The following SLC35F2 variants were observed in gnomAD, a reference collection of about 807,000 sequenced individuals.
The protein encoded by SLC35F2 is queuine/queuosine transporter SLC35F2.
SLC35F2 carries 25 observed loss-of-function variants against 38.1 expected under a neutral mutation model. The observed-to-expected ratio is 0.66, with a 90% confidence interval of 0.48 to 0.92. The LOEUF (loss-of-function observed/expected upper bound fraction) is 0.92. Ranked by LOEUF, SLC35F2 falls within the 40% of genes least tolerant of loss-of-function variation. The pLI, the probability that SLC35F2 is intolerant of heterozygous loss-of-function variation, is 0.00. For synonymous variants in SLC35F2, 173 were observed against 181.7 expected, an observed-to-expected ratio of 0.95 and a Z score of 0.38; for missense variants, 409 against 452.9, an observed-to-expected ratio of 0.90 and a Z score of 0.88.
chr11:107,823,926 CAA>C (rs58357861), intron 1 of SLC35F2: 117,106 of 630,700 alleles, frequency 0.19, 311 homozygotes, highest in Non-Finnish European at 0.2. Context: ...AAGACAGTCT[CAA>C]AAAAAAAAAA....
chr11:107,838,771 G>A (rs566556437), intron 1 of SLC35F2, among the ~76,000 whole-genome samples: 122 of 151,856 alleles, frequency 8.0e-4, no homozygotes, highest in African/African-American at 2.8e-3. Context: ...TGGGACTACA[G>A]GCGTGCACCT....
chr11:107,809,018 C>T (rs1247067799), intron 3 of SLC35F2, among the ~76,000 whole-genome samples: 2 of 152,178 alleles, frequency 1.3e-5, no homozygotes, highest in South Asian at 2.1e-4. Flanking sequence ...CCTCAGGCCC[C>T]GGCCCCACGC....
intron 1 of SLC35F2, among the ~76,000 whole-genome samples, chr11:107,842,307 T>C (rs1335101375): frequency 7.0e-5 from 10 of 142,978 alleles, no homozygotes; most frequent in Admixed American, 2.9e-4. Context: ...CTGGAAGTTG[T>C]TTTACAGGAT....
intron 1 of SLC35F2, among the ~76,000 whole-genome samples, chr11:107,844,409 C>T (rs1052182074): frequency 1.3e-5 from 2 of 151,794 alleles, no homozygotes; most frequent in Non-Finnish European, 2.9e-5. Context: ...AGACGGATCA[C>T]CTAAGGTCAG....
chr11:107,825,249 T>C (rs889908781), intron 1 of SLC35F2, among the ~76,000 whole-genome samples: 4 of 152,220 alleles, frequency 2.6e-5, no homozygotes, highest in Non-Finnish European at 5.9e-5. Flanking sequence ...AACACAGCCC[T>C]AGCCTGGTGC....
intron 7 of SLC35F2, among the ~76,000 whole-genome samples, chr11:107,795,829 G>A (rs954678526): frequency 3.9e-5 from 6 of 152,136 alleles, no homozygotes; most frequent in African/African-American, 1.2e-4. Flanking sequence ...TGCTGGCAAG[G>A]ATGTATAGAA....
intron 1 of SLC35F2, among the ~76,000 whole-genome samples, chr11:107,856,875 G>A (rs1306489713): frequency 4.5e-5 from 5 of 111,962 alleles, no homozygotes; most frequent in Non-Finnish European, 7.0e-5. Flanking sequence ...AGGAAGGCAG[G>A]AAGGAAGGAA....
At chr11:107,832,610 C>G (rs1859863148) in intron 1 of SLC35F2, among the ~76,000 whole-genome samples, 1 of 152,208 alleles carries the variant, frequency 6.6e-6, no homozygotes, top group South Asian at 2.1e-4. Context: ...CAAGACAAGC[C>G]TGGGCAACAT....
chr11:107,856,585 T>C (rs1042692542), intron 1 of SLC35F2, among the ~76,000 whole-genome samples: 5 of 152,128 alleles, frequency 3.3e-5, no homozygotes, highest in Admixed American at 3.3e-4. Flanking sequence ...TAATCCCAGC[T>C]ACTTCGGAGG....
chr11:107,845,274 T>C (rs1860088182), intron 1 of SLC35F2, among the ~76,000 whole-genome samples: 1 of 152,072 alleles, frequency 6.6e-6, no homozygotes, highest in African/African-American at 2.4e-5. Context: ...TGTTTTTTCC[T>C]TAAGTACCCT....
intron 1 of SLC35F2, among the ~76,000 whole-genome samples, chr11:107,821,105 C>T (rs1473102299): frequency 2.0e-5 from 3 of 152,198 alleles, no homozygotes; most frequent in Non-Finnish European, 4.4e-5. Context: ...GTACCAGGCA[C>T]AGAAACCCTA....
At chr11:107,808,266 C>G (rs1859428442) in intron 3 of SLC35F2, among the ~76,000 whole-genome samples, 1 of 152,112 alleles carries the variant, frequency 6.6e-6, no homozygotes, top group South Asian at 2.1e-4. Flanking sequence ...AAAACACTAG[C>G]TATACACCTG....
At chr11:107,813,451 C>T (rs1321628090) in intron 2 of SLC35F2, among the ~76,000 whole-genome samples, 1 of 151,896 alleles carries the variant, frequency 6.6e-6, no homozygotes, top group East Asian at 1.9e-4. Context: ...GCAACAAGAG[C>T]GAAACTCCGT....
At position 107,818,056 on chromosome 11, in the gene SLC35F2, C is replaced by CA. The variant is rs57787130; in HGVS notation, c.111-2092dup. Among the ~76,000 whole-genome samples, 102 of 66,148 alleles carry CA rather than the reference C, an allele frequency of 1.5e-3. 1 individual carries two copies. Among genetic ancestry groups the CA allele is most frequent in the Non-Finnish European group, 2.4e-3 (82 of 33,594 alleles). 43.4% of individuals were successfully genotyped at this position (66,148 alleles called of 152,430 possible). A position where few individuals can be genotyped will look rare whatever the true frequency, so the allele number is the denominator to read the frequency against. ...TGAGTGACAGAGCAAGACTCTGTCTCAAAAAAAAAAAAAAAAAAAGAAAGA... is the reference window on the plus strand; with the variant it reads ...TGAGTGACAGAGCAAGACTCTGTCTCAAAAAAAAAAAAAAAAAAAAGAAAGA... On this transcript the variant is annotated intron_variant, in intron 1 of 7. Transcript: ENST00000525815.
At chr11:107,814,222 C>T (rs974175822) in intron 2 of SLC35F2, among the ~76,000 whole-genome samples, 1 of 152,112 alleles carries the variant, frequency 6.6e-6, no homozygotes, top group Admixed American at 6.6e-5. Context: ...AATCCCCGCA[C>T]TTTGGGAGGC....
At chr11:107,815,393 A>C (rs1591192766) in intron 2 of SLC35F2, among the ~76,000 whole-genome samples, 1 of 149,742 alleles carries the variant, frequency 6.7e-6, no homozygotes, top group Non-Finnish European at 1.5e-5. Flanking sequence ...CTAAAATAAA[A>C]AAAAAAAAAA....
chr11:107,830,120 G>A (rs1859814975), intron 1 of SLC35F2, among the ~76,000 whole-genome samples: 1 of 151,616 alleles, frequency 6.6e-6, no homozygotes, highest in African/African-American at 2.4e-5. Context: ...AAAAAAAATT[G>A]TAATTAAAAA....
chr11:107,843,868 A>AT (rs1484039784), intron 1 of SLC35F2, among the ~76,000 whole-genome samples: 30 of 46,686 alleles, frequency 6.4e-4, no homozygotes, highest in Admixed American at 1.6e-3. Flanking sequence ...AAAAAAAAAA[A>AT]ATATATATAT....
chr11:107,824,035 T>C (rs1296680749), intron 1 of SLC35F2: 1 of 983,706 alleles, frequency 1.0e-6, no homozygotes, highest in Non-Finnish European at 1.2e-6. Flanking sequence ...TCCATAGTCC[T>C]ACGATTCAAA....
Sources: allele counts gnomAD v4.1 joint callset (sites outside exome capture counted in the v4.1 genomes callset), GRCh38; gene constraint gnomAD v4.1.1; transcripts MANE v1.5; gene names NCBI Gene and HGNC (gene_info 2026-07-23, HGNC 2026-07-21).